Variants in GRM5 observed in about 807,000 individuals in gnomAD.
The protein encoded by GRM5 is metabotropic glutamate receptor 5.
GRM5 carries 19 observed loss-of-function variants against 83.1 expected under a neutral mutation model. The observed-to-expected ratio is 0.23, with a 90% CI of 0.16 to 0.34. The LOEUF (loss-of-function observed/expected upper bound fraction) is 0.34. Ranked by LOEUF, GRM5 falls within the 10% of genes least tolerant of loss-of-function variation. GRM5 has a pLI of 1.00. For synonymous variants in GRM5, 675 were observed against 633.6 expected (o/e 1.07, Z -0.98); for missense variants, 1,160 against 1,588.3 (o/e 0.73, Z 4.58).
chr11:88,708,241 T>C (rs1941204503), intron 3 of GRM5, among the ~76,000 whole-genome samples: 1 of 151,996 alleles, frequency 6.6e-6, no homozygotes, highest in South Asian at 2.1e-4. Context: ...ATTGCAAAAA[T>C]ACTTTAGCAC....
At position 88,850,142 on chromosome 11, in the gene GRM5, T is replaced by G. The variant is rs771844366; in HGVS notation, c.675A>C (p.Glu225Asp). ...TATCTTTGAAGGCTTCCATCCCACT[T>G]TCTCCATAGTTGCCTGTGTGAAAAC... ...SAVHTEGNYGESGMEAFKDMS... is the reference protein window; with the variant it reads ...SAVHTEGNYGDSGMEAFKDMS... Residue 225 changes from glutamate (E) to aspartate (D), a missense_variant, in exon 3 of 10, where the codon GAA (glutamate) becomes GAC (aspartate). Glu to Asp is a conservative substitution (Grantham distance 45, BLOSUM62 2). Coordinates refer to ENST00000305447, the MANE Select transcript of GRM5 (RefSeq NM_001143831.3). 4.7e-6 allele frequency: 6 copies of G among 1,287,334 alleles called. No individual in the cohort carries two copies. Among genetic ancestry groups the G allele is most frequent in the Non-Finnish European group, 5.7e-6 (5 of 882,842 alleles). The allele number at this position is 1,287,334 out of a possible 1,614,324, so 79.7% of individuals were successfully genotyped here.
intron 3 of GRM5, among the ~76,000 whole-genome samples, chr11:88,658,628 T>G (rs1021859171): frequency 2.0e-5 from 3 of 152,098 alleles, no homozygotes; most frequent in African/African-American, 7.2e-5. Context: ...CTAAATGCAG[T>G]GGGAGAGCAG....
chr11:88,512,580 C>T (rs1423789570), intron 9 of GRM5, among the ~76,000 whole-genome samples: 2 of 152,144 alleles, frequency 1.3e-5, no homozygotes, highest in Non-Finnish European at 1.5e-5. Flanking sequence ...AACAGGGCCA[C>T]TGTGGGGTGT....
intron 8 of GRM5, among the ~76,000 whole-genome samples, chr11:88,555,391 G>A (rs774351191): frequency 2.0e-5 from 3 of 152,084 alleles, no homozygotes; most frequent in Non-Finnish European, 4.4e-5. Context: ...AGTCTCACGC[G>A]ACTGGACTGG....
intron 2 of GRM5, among the ~76,000 whole-genome samples, chr11:88,908,107 A>G (rs1945434677): frequency 6.6e-6 from 1 of 152,118 alleles, no homozygotes; most frequent in East Asian, 1.9e-4. Flanking sequence ...ATATGAGGCA[A>G]TATTTCTTAT....
intron 3 of GRM5, among the ~76,000 whole-genome samples, chr11:88,788,791 T>C (rs1404057350): frequency 1.3e-5 from 2 of 152,184 alleles, no homozygotes; most frequent in African/African-American, 4.8e-5. Flanking sequence ...TTAAATTGTA[T>C]ATGGAAAGCT....
intron 3 of GRM5, among the ~76,000 whole-genome samples, chr11:88,706,465 T>C (rs955752571): frequency 2.6e-5 from 4 of 152,132 alleles, no homozygotes; most frequent in African/African-American, 4.8e-5. Flanking sequence ...CTTTTATCTC[T>C]GTATTACTAT....
At chr11:88,946,043 A>G (rs1202493814) in intron 2 of GRM5, among the ~76,000 whole-genome samples, 1 of 152,102 alleles carries the variant, frequency 6.6e-6, no homozygotes, top group Non-Finnish European at 1.5e-5. Flanking sequence ...TTCAACAAGC[A>G]TAAATGAATA....
intron 3 of GRM5, among the ~76,000 whole-genome samples, 160 bp from the exon 4 acceptor site, chr11:88,653,563 A>G (rs1939692641): frequency 6.6e-6 from 1 of 152,076 alleles, no homozygotes; most frequent in African/African-American, 2.4e-5. Flanking sequence ...GAAGCTTGTT[A>G]GAATAAAAAG....
At chr11:88,895,017 A>G (rs1205413242) in intron 2 of GRM5, among the ~76,000 whole-genome samples, 1 of 151,964 alleles carries the variant, frequency 6.6e-6, no homozygotes, top group Non-Finnish European at 1.5e-5. Context: ...AGTAGCCTGA[A>G]CTGACTAAGA....
At chr11:88,681,265 G>A (rs1353713690) in intron 3 of GRM5, among the ~76,000 whole-genome samples, 1 of 151,884 alleles carries the variant, frequency 6.6e-6, no homozygotes, top group Non-Finnish European at 1.5e-5. Context: ...TTTCAAACTT[G>A]TATTAATGGA....
At chr11:88,614,951 T>G (rs2135247161) in intron 4 of GRM5, among the ~76,000 whole-genome samples, 1 of 152,288 alleles carries the variant, frequency 6.6e-6, no homozygotes, top group South Asian at 2.1e-4. Context: ...AGAGATAAAC[T>G]TAGGGAAAAC....
intron 2 of GRM5, among the ~76,000 whole-genome samples, chr11:88,891,430 G>A (rs1413120880): frequency 6.6e-6 from 1 of 151,958 alleles, no homozygotes; most frequent in Non-Finnish European, 1.5e-5. Context: ...CTTTCCTGAT[G>A]CGTGGCTTTC....
intron 2 of GRM5, among the ~76,000 whole-genome samples, chr11:88,926,598 T>C (rs535923806): frequency 2.6e-4 from 39 of 152,320 alleles, no homozygotes; most frequent in African/African-American, 8.9e-4. Context: ...TTTTGGTTCA[T>C]TGGAGCTAGA....
chr11:88,618,215 A>T, intron 4 of GRM5, among the ~76,000 whole-genome samples: 1 of 152,210 alleles, frequency 6.6e-6, no homozygotes, highest in East Asian at 1.9e-4. Context: ...CTTAAAAAAA[A>T]ATCAGTATTC....
chr11:88,799,017 T>C lies in GRM5; in HGVS notation c.911+50889A>G, dbSNP rs1054196603. On this transcript the variant is annotated intron_variant, in intron 3 of 9. Transcript: ENST00000305447. ...TTCATAAATAAATCTCTGTTTAGTA[T>C]CCAAAGTTAGTAAAGATGTGAAAAA... is the stretch of plus-strand genomic sequence containing the variant. 2.0e-5 allele frequency among the ~76,000 whole-genome samples: 3 copies of C among 151,992 alleles called. No individual in the cohort carries two copies. The East Asian group carries it at 5.8e-4, about 29-fold the overall frequency.
intron 3 of GRM5, among the ~76,000 whole-genome samples, chr11:88,785,157 C>G (rs753343436): frequency 6.6e-6 from 1 of 152,056 alleles, no homozygotes; most frequent in Non-Finnish European, 1.5e-5. Flanking sequence ...GATTATCTTT[C>G]TATCTCAACT....
chr11:88,537,684 C>A (rs1942167013), intron 8 of GRM5, among the ~76,000 whole-genome samples: 1 of 152,114 alleles, frequency 6.6e-6, no homozygotes, highest in African/African-American at 2.4e-5. Flanking sequence ...TTCTATCTAT[C>A]TATATATGTA....
At chr11:89,007,777 CTT>C (rs1333427547) in intron 2 of GRM5, among the ~76,000 whole-genome samples, 3 of 152,120 alleles carry the variant, frequency 2.0e-5, no homozygotes, top group Non-Finnish European at 4.4e-5. Flanking sequence ...TTAGAAGACT[CTT>C]ATGAAATCAA....
Sources: allele counts gnomAD v4.1 joint callset (sites outside exome capture counted in the v4.1 genomes callset), GRCh38; gene constraint gnomAD v4.1.1; transcripts MANE v1.5; gene names NCBI Gene and HGNC (gene_info 2026-07-23, HGNC 2026-07-21).